CAST: variants seen among roughly 807,000 people sequenced by gnomAD.
The protein encoded by CAST is MIR583 host.
Under a neutral mutation model 119.6 loss-of-function variants are expected in CAST, and 76 were observed. The observed-to-expected ratio is 0.64, with a 90% CI of 0.53 to 0.77. CAST has a LOEUF of 0.77. CAST is among the 30% of genes least tolerant of loss of function. The pLI, the probability that CAST is intolerant of heterozygous loss-of-function variation, is 0.00. For missense variants in CAST, 953 were observed against 946.5 expected, an observed-to-expected ratio of 1.01 and a Z score of -0.09; for synonymous variants, 319 against 331.6, an observed-to-expected ratio of 0.96 and a Z score of 0.41.
the CAST span, chr5:96,433,259 C>T: frequency 5.1e-6 from 3 of 589,492 alleles, no homozygotes; most frequent in Non-Finnish European, 9.1e-6. Context: ...GGAGCCCCAG[C>T]CCTTCCCAGC....
the CAST span, among the ~76,000 whole-genome samples, chr5:96,502,224 T>C: frequency 6.6e-6 from 1 of 152,180 alleles, no homozygotes; most frequent in Non-Finnish European, 1.5e-5. Context: ...TAACACATAA[T>C]TCTACCCTCT....
At chr5:96,669,871 A>G (rs1749837441) in intron 1 of CAST, among the ~76,000 whole-genome samples, 1 of 152,224 alleles carries the variant, frequency 6.6e-6, no homozygotes, top group Non-Finnish European at 1.5e-5. Context: ...CTGGCTGTAT[A>G]TTGGAATCAT....
At chr5:96,073,259 G>C in the CAST span, among the ~76,000 whole-genome samples, 1 of 152,126 alleles carries the variant, frequency 6.6e-6, no homozygotes, top group Non-Finnish European at 1.5e-5. Context: ...TAGCCGTGGT[G>C]GCATGTTTAA....
At chr5:96,557,422 A>T (rs568128069) in intron 1 of CAST, among the ~76,000 whole-genome samples, 64 of 152,212 alleles carry the variant, frequency 4.2e-4, no homozygotes, top group African/African-American at 1.5e-3. Flanking sequence ...GGCAAATTGG[A>T]TAAATAGTCA....
At chr5:96,029,616 G>A in the CAST span, among the ~76,000 whole-genome samples, 1 of 152,162 alleles carries the variant, frequency 6.6e-6, no homozygotes, top group Non-Finnish European at 1.5e-5. Flanking sequence ...AGAAAGATTT[G>A]AATAAATTAA....
chr5:96,234,088 A>C, the CAST span, among the ~76,000 whole-genome samples: 1 of 152,190 alleles, frequency 6.6e-6, no homozygotes, highest in Non-Finnish European at 1.5e-5. Context: ...ACATAGGACA[A>C]AGATCACTTG....
chr5:96,280,160 G>A, the CAST span, among the ~76,000 whole-genome samples: 1 of 152,154 alleles, frequency 6.6e-6, no homozygotes, highest in East Asian at 1.9e-4. Flanking sequence ...TGAACAAGAG[G>A]TGATCTCGTA....
At chr5:96,367,790 G>A in the CAST span, among the ~76,000 whole-genome samples, 28 of 152,020 alleles carry the variant, frequency 1.8e-4, no homozygotes, top group Non-Finnish European at 3.1e-4. Flanking sequence ...GTGATGCCTC[G>A]CCCTGCTTTG....
chr5:96,761,375 A>G (rs1283900948), intron 24 of CAST: 1 of 152,224 alleles, frequency 6.6e-6, no homozygotes, highest in Admixed American at 6.5e-5. Flanking sequence ...TACCTAAAAT[A>G]TTACATTCTA....
At chr5:96,372,439 A>G in the CAST span, among the ~76,000 whole-genome samples, 8 of 152,240 alleles carry the variant, frequency 5.3e-5, no homozygotes, top group South Asian at 1.7e-3. Context: ...CTCGGAAGAC[A>G]TGAGAACCTG....
intron 4 of CAST, among the ~76,000 whole-genome samples, chr5:96,724,226 G>C (rs1340199739): frequency 6.6e-6 from 1 of 151,750 alleles, no homozygotes; most frequent in Non-Finnish European, 1.5e-5. Flanking sequence ...CTGTCTTCCA[G>C]GCTGGATGTA....
At chr5:96,274,770 T>A in the CAST span, among the ~76,000 whole-genome samples, 1 of 152,362 alleles carries the variant, frequency 6.6e-6, no homozygotes, top group Admixed American at 6.5e-5. Flanking sequence ...AAACAGCTCA[T>A]GTTTCAAGAA....
At chr5:96,708,276 T>G (rs1199196548) in intron 3 of CAST, among the ~76,000 whole-genome samples, 1 of 152,228 alleles carries the variant, frequency 6.6e-6, no homozygotes, top group Non-Finnish European at 1.5e-5. Flanking sequence ...ATTTTTATTT[T>G]TCAGGATTCT....
At chr5:95,992,419 T>A in the CAST span, among the ~76,000 whole-genome samples, 2 of 151,804 alleles carry the variant, frequency 1.3e-5, no homozygotes, top group African/African-American at 4.8e-5. Flanking sequence ...TTTTTTTTTT[T>A]CCTTGAAAAC....
chr5:96,289,878 G>A, the CAST span, among the ~76,000 whole-genome samples: 1 of 151,860 alleles, frequency 6.6e-6, no homozygotes, highest in Non-Finnish European at 1.5e-5. Context: ...TGTTGTTGCT[G>A]TTCTTGATAG....
At chr5:96,040,752 T>C in the CAST span, among the ~76,000 whole-genome samples, 1 of 152,170 alleles carries the variant, frequency 6.6e-6, no homozygotes, top group Non-Finnish European at 1.5e-5. Context: ...AAGATTTTGA[T>C]GTGCTTCTGA....
the CAST span, among the ~76,000 whole-genome samples, chr5:96,335,349 C>T: frequency 6.6e-6 from 1 of 152,122 alleles, no homozygotes; most frequent in African/African-American, 2.4e-5. Context: ...GGACATTTTC[C>T]AATCTTTGTC....
At chr5:96,487,219 T>C in the CAST span, among the ~76,000 whole-genome samples, 1 of 152,126 alleles carries the variant, frequency 6.6e-6, no homozygotes, top group African/African-American at 2.4e-5. Context: ...GTCCATACCA[T>C]ATGTGTTTAA....
the CAST span, among the ~76,000 whole-genome samples, chr5:96,386,516 C>T: frequency 0.057 from 8,734 of 152,264 alleles, 747 homozygotes; most frequent in African/African-American, 0.19. Flanking sequence ...TCTTCATCGA[C>T]TCTTACATTT....
Sources: gnomAD v4.1 joint callset for allele counts (sites outside exome capture counted in the v4.1 genomes callset) on GRCh38, gnomAD v4.1.1 for gene constraint, MANE v1.5 for transcripts, NCBI Gene and HGNC (gene_info 2026-07-23, HGNC 2026-07-21) for gene names.